BNC2: variants seen among roughly 807,000 people sequenced by gnomAD.
BNC2 encodes the protein zinc finger protein basonuclin-2.
Under a neutral mutation model 76.3 loss-of-function variants are expected in BNC2, and 20 were observed. The ratio of observed to expected loss-of-function variants is 0.26; its 90% CI spans 0.18 to 0.38. The LOEUF (loss-of-function observed/expected upper bound fraction) is 0.38, where lower values mean the gene tolerates loss of function less well. Among genes scored for constraint, BNC2 ranks in the 10% least tolerant of loss-of-function variants. BNC2 has a pLI of 1.00. For synonymous variants in BNC2, 582 were observed against 514.8 expected, an observed-to-expected ratio of 1.13 and a Z score of -1.77; for missense variants, 1,382 against 1,399.8, an observed-to-expected ratio of 0.99 and a Z score of 0.20.
At chr9:16,851,286 T>C (rs907667509) in intron 1 of BNC2, among the ~76,000 whole-genome samples, 123 of 152,244 alleles carry the variant, frequency 8.1e-4, no homozygotes, top group African/African-American at 2.6e-3. Context: ...GGCAGGAGGA[T>C]TGCTTGATCC....
At chr9:16,691,846 T>C (rs972060512) in intron 3 of BNC2, among the ~76,000 whole-genome samples, 73 of 145,660 alleles carry the variant, frequency 5.0e-4, no homozygotes, top group Middle Eastern at 3.4e-3. Context: ...AGTCTCACTC[T>C]GTCACCCAGG....
At chr9:16,806,599 A>C (rs1817919707) in intron 1 of BNC2, among the ~76,000 whole-genome samples, 1 of 152,162 alleles carries the variant, frequency 6.6e-6, no homozygotes, top group African/African-American at 2.4e-5. Context: ...GTTTGTCTGA[A>C]GGGGTGTTGG....
At chr9:16,480,065 A>G (rs969657079) in intron 5 of BNC2, among the ~76,000 whole-genome samples, 1 of 152,258 alleles carries the variant, frequency 6.6e-6, no homozygotes, top group African/African-American at 2.4e-5. Flanking sequence ...ATGTAACAAC[A>G]TTCAACACAG....
intron 5 of BNC2, among the ~76,000 whole-genome samples, chr9:16,448,691 G>T (rs1040561579): frequency 2.6e-5 from 4 of 152,124 alleles, no homozygotes; most frequent in African/African-American, 9.7e-5. Context: ...GTGTGTGACT[G>T]AACAGAAAGA....
At chr9:16,691,511 T>G (rs1348146381) in intron 3 of BNC2, among the ~76,000 whole-genome samples, 1 of 144,130 alleles carries the variant, frequency 6.9e-6, no homozygotes, top group Non-Finnish European at 1.5e-5. Flanking sequence ...GTTCTTTTTT[T>G]TTTTTTTTTT....
rs573295420 is a variant in BNC2, at chr9:16,432,302, A to G, written c.2639+3253T>C. Among the ~76,000 whole-genome samples, 6 of 152,360 alleles carry G rather than the reference A, an allele frequency of 3.9e-5. No individual in the cohort carries two copies. The East Asian group carries it at 1.2e-3, about 29-fold the overall frequency. On this transcript the variant is annotated intron_variant, in intron 6 of 6. Coordinates refer to ENST00000380672, the MANE Select transcript of BNC2 (RefSeq NM_017637.6). ...CCTTCCTCTGTGTCACTTTACACAA[A>G]GAGCATTCTTGCTTTTGAAAAATCT...
intron 1 of BNC2, among the ~76,000 whole-genome samples, chr9:16,791,831 G>A (rs548313279): frequency 1.3e-5 from 2 of 152,182 alleles, no homozygotes; most frequent in South Asian, 2.1e-4. Context: ...GGCCAGGCAC[G>A]GCGGCTCACA....
At chr9:16,837,998 A>G (rs1369695688) in intron 1 of BNC2, among the ~76,000 whole-genome samples, 1 of 152,176 alleles carries the variant, frequency 6.6e-6, no homozygotes, top group Non-Finnish European at 1.5e-5. Context: ...TACCTGGTAT[A>G]AAAACGCCAA....
rs1180589407 is a variant in BNC2, at chr9:16,514,498, T to TA, written c.669+38031_669+38032insT. 1.1e-3 allele frequency among the ~76,000 whole-genome samples: 163 copies of TA among 147,752 alleles called. 1 individual carries two copies. Among genetic ancestry groups the TA allele is most frequent in the African/African-American group, 3.8e-3 (143 of 37,216 alleles). ...GACATCTAATTGTTTAGATTTTTTTTTAAAAAGGGGGGAAAAATACTGGTA... is the reference window on the plus strand; with the variant it reads ...GACATCTAATTGTTTAGATTTTTTTTATAAAAAGGGGGGAAAAATACTGGTA... On this transcript the variant is annotated intron_variant, in intron 5 of 6. Transcript: ENST00000380672.
At chr9:16,570,881 T>C (rs1365842939) in intron 4 of BNC2, among the ~76,000 whole-genome samples, 1 of 152,166 alleles carries the variant, frequency 6.6e-6, no homozygotes, top group Non-Finnish European at 1.5e-5. Context: ...AAGTGACATC[T>C]GAAATAATGT....
chr9:16,760,124 C>T (rs1306821991), intron 1 of BNC2, among the ~76,000 whole-genome samples: 1 of 152,128 alleles, frequency 6.6e-6, no homozygotes, highest in African/African-American at 2.4e-5. Flanking sequence ...GAAGGCAGGA[C>T]AGGAGAGGGT....
chr9:16,705,828 A>G (rs1430063193), intron 3 of BNC2, among the ~76,000 whole-genome samples: 1 of 152,266 alleles, frequency 6.6e-6, no homozygotes, highest in Admixed American at 6.5e-5. Flanking sequence ...CAAAACACCC[A>G]GAAACAATTC....
At chr9:16,431,573 C>A (rs1378837824) in intron 6 of BNC2, 1 of 360,278 alleles carries the variant, frequency 2.8e-6, no homozygotes. Context: ...GCAGACAGAT[C>A]AAGGGATAAA....
At chr9:16,781,760 G>C (rs1826160657) in intron 1 of BNC2, among the ~76,000 whole-genome samples, 1 of 152,044 alleles carries the variant, frequency 6.6e-6, no homozygotes, top group Admixed American at 6.5e-5. Flanking sequence ...ATGAATAATA[G>C]TTGATGATAG....
At chr9:16,695,116 T>C (rs769571889) in intron 3 of BNC2, among the ~76,000 whole-genome samples, 4 of 152,226 alleles carry the variant, frequency 2.6e-5, no homozygotes, top group Non-Finnish European at 4.4e-5. Flanking sequence ...TGAAACCTAG[T>C]AGCTTTAGAA....
At chr9:16,716,310 C>T (rs1176114442) in intron 3 of BNC2, among the ~76,000 whole-genome samples, 1 of 152,142 alleles carries the variant, frequency 6.6e-6, no homozygotes, top group African/African-American at 2.4e-5. Context: ...CACATGTATG[C>T]CACCATCTGA....
chr9:16,515,133 G>A, intron 5 of BNC2, among the ~76,000 whole-genome samples: 1 of 152,186 alleles, frequency 6.6e-6, no homozygotes, highest in East Asian at 1.9e-4. Context: ...GCAAGTGGAA[G>A]CAACATCCAG....
intron 6 of BNC2, chr9:16,434,725 A>G (rs895255619): frequency 7.2e-6 from 3 of 419,494 alleles, no homozygotes; most frequent in South Asian, 1.7e-5. Flanking sequence ...CTTAAGCCCA[A>G]CTGTTTCAGA....
At chr9:16,862,292 G>C (rs1299546812) in intron 1 of BNC2, among the ~76,000 whole-genome samples, 1 of 152,180 alleles carries the variant, frequency 6.6e-6, no homozygotes, top group African/African-American at 2.4e-5. Flanking sequence ...ATAAGAGGTA[G>C]TACATCCATA....
Sources: gnomAD v4.1 joint callset for allele counts (sites outside exome capture counted in the v4.1 genomes callset) on GRCh38, gnomAD v4.1.1 for gene constraint, MANE v1.5 for transcripts, NCBI Gene and HGNC (gene_info 2026-07-23, HGNC 2026-07-21) for gene names.